The following IQGAP2 variants were observed in gnomAD, a reference collection of about 807,000 sequenced individuals.
The protein encoded by IQGAP2 is IQ motif containing GTPase activating protein 2, also known as ras GTPase-activating-like protein IQGAP2.
Under a neutral mutation model 201.3 loss-of-function variants are expected in IQGAP2, and 173 were observed. The observed-to-expected ratio is 0.86, with a 90% confidence interval of 0.76 to 0.98. IQGAP2 has a LOEUF of 0.98. Among genes scored for constraint, IQGAP2 ranks in the 50% least tolerant of loss-of-function variants. The pLI is 0.00. For synonymous variants in IQGAP2, 675 were observed against 673.9 expected (o/e 1.00, Z -0.03); for missense variants, 1,687 against 1,864.8 (o/e 0.90, Z 1.76).
intron 1 of IQGAP2, among the ~76,000 whole-genome samples, chr5:76,449,428 C>T (rs937745861): frequency 1.3e-5 from 2 of 152,170 alleles, no homozygotes; most frequent in African/African-American, 4.8e-5. Context: ...TGGGTCTTCT[C>T]CTGTTAGATT....
chr5:76,505,349 C>G (rs1757555529), intron 2 of IQGAP2, among the ~76,000 whole-genome samples: 1 of 152,186 alleles, frequency 6.6e-6, no homozygotes, highest in Non-Finnish European at 1.5e-5. Flanking sequence ...GGAGTCAACC[C>G]AGAGCTGAGC....
Position 76,600,905 on chromosome 5 carries a change from T to C in IQGAP2, c.1165T>C (p.Ser389Pro). Reference sequence around the variant, plus strand: ...GGCCTTGGAAAGCAACGATCTTGTGTCTGTGCAGAATCAACTCAGAAGCCC... The same window carrying C: ...GGCCTTGGAAAGCAACGATCTTGTGCCTGTGCAGAATCAACTCAGAAGCCC... The part of the protein sequence containing the change: ...NQALESNDLV[S>P]VQNQLRSPAI... The change falls in exon 11 of 36, where the codon TCT (serine) becomes CCT (proline). Residue 389 changes from serine to proline, a missense_variant. By Grantham distance (74) the Ser-to-Pro change is moderately conservative. Coordinates refer to ENST00000274364, the MANE Select transcript of IQGAP2 (RefSeq NM_006633.5). 1 of 1,614,158 alleles carries C rather than the reference T, an allele frequency of 6.2e-7. No homozygotes were observed. Among genetic ancestry groups the C allele is most frequent in the Non-Finnish European group, 8.5e-7 (1 of 1,179,998 alleles).
intron 11 of IQGAP2, among the ~76,000 whole-genome samples, chr5:76,604,657 A>G (rs901514474): frequency 1.3e-5 from 2 of 152,150 alleles, no homozygotes; most frequent in African/African-American, 4.8e-5. Flanking sequence ...TGGGATGCCC[A>G]TAAGGACTTT....
chr5:76,619,905 G>A (rs1263623655), intron 13 of IQGAP2, among the ~76,000 whole-genome samples: 1 of 152,116 alleles, frequency 6.6e-6, no homozygotes, highest in African/African-American at 2.4e-5. Flanking sequence ...AAGGTAAGAG[G>A]GTTGTCAAAG....
intron 13 of IQGAP2, chr5:76,616,100 T>C (rs1171969604): frequency 6.6e-6 from 1 of 152,648 alleles, no homozygotes; most frequent in Non-Finnish European, 1.5e-5. Context: ...ACCTTCTCCA[T>C]TATACTTGGT....
chr5:76,602,460 C>G (rs1301579920), intron 11 of IQGAP2, among the ~76,000 whole-genome samples: 3 of 152,182 alleles, frequency 2.0e-5, no homozygotes, highest in African/African-American at 4.8e-5. Context: ...TTACAAATAC[C>G]CTTAAAGAAG....
chr5:76,468,001 T>G (rs1303096197), intron 2 of IQGAP2, among the ~76,000 whole-genome samples: 1 of 152,162 alleles, frequency 6.6e-6, no homozygotes, highest in Non-Finnish European at 1.5e-5. Flanking sequence ...GATTTCTTTT[T>G]GGGCTGATAA....
At chr5:76,584,329 C>T (rs1012546633) in intron 5 of IQGAP2, among the ~76,000 whole-genome samples, 1 of 152,140 alleles carries the variant, frequency 6.6e-6, no homozygotes, top group Non-Finnish European at 1.5e-5. Flanking sequence ...ACAGTAATAA[C>T]TTTTAAAAAA....
intron 1 of IQGAP2, among the ~76,000 whole-genome samples, chr5:76,439,139 T>G (rs1580193020): frequency 6.6e-6 from 1 of 152,246 alleles, no homozygotes; most frequent in East Asian, 1.9e-4. Context: ...AGCAGATTAA[T>G]TTCCATGTAT....
intron 30 of IQGAP2, among the ~76,000 whole-genome samples, chr5:76,688,168 A>G (rs1259566814): frequency 2.0e-5 from 3 of 152,216 alleles, no homozygotes; most frequent in Admixed American, 6.5e-5. Flanking sequence ...AAAATCGGAC[A>G]ATGACTTTTA....
chr5:76,665,273 G>A, intron 22 of IQGAP2, 98 bp downstream of exon 22: 3 of 1,024,412 alleles, frequency 2.9e-6, no homozygotes, highest in Non-Finnish European at 1.5e-6. Context: ...AGCTATAATA[G>A]CATACATGTT....
intron 1 of IQGAP2, among the ~76,000 whole-genome samples, chr5:76,431,867 T>G (rs1179145518): frequency 6.6e-6 from 1 of 151,850 alleles, no homozygotes; most frequent in Non-Finnish European, 1.5e-5. Context: ...TTTGTTCCTC[T>G]TACTGCTCAG....
intron 1 of IQGAP2, among the ~76,000 whole-genome samples, chr5:76,442,762 A>G (rs192324855): frequency 6.6e-6 from 1 of 152,162 alleles, no homozygotes; most frequent in Admixed American, 6.5e-5. Context: ...TGAGGTGGAC[A>G]TATCACTTGA....
intron 4 of IQGAP2, among the ~76,000 whole-genome samples, chr5:76,572,736 C>A (rs74405149): frequency 0.058 from 8,788 of 152,116 alleles, 710 homozygotes; most frequent in East Asian, 0.43. Context: ...CCATGCCTGG[C>A]CTGTACAGCT....
At chr5:76,517,665 T>G (rs751209748) in intron 2 of IQGAP2, among the ~76,000 whole-genome samples, 8 of 151,870 alleles carry the variant, frequency 5.3e-5, no homozygotes, top group Non-Finnish European at 1.0e-4. Flanking sequence ...AAGTTTTTCA[T>G]TTCTTGTAAG....
rs758852700 is a variant in IQGAP2, at chr5:76,689,362, G to A, written c.3906-3993G>A. ...ACCATGGAACTCAGCAAGTTGCCTC[G>A]CCATCAGTTTTCTCCTCCATAATAT... On this transcript the variant is annotated intron_variant, in intron 30 of 35. Coordinates refer to ENST00000274364, the MANE Select transcript of IQGAP2 (RefSeq NM_006633.5). 5.3e-5 allele frequency among the ~76,000 whole-genome samples: 8 copies of A among 151,184 alleles called. No homozygotes were observed. The East Asian group carries it at 5.9e-4, about 11-fold the overall frequency.
chr5:76,423,510 A>G (rs951125025), intron 1 of IQGAP2, among the ~76,000 whole-genome samples: 6 of 152,334 alleles, frequency 3.9e-5, no homozygotes, highest in African/African-American at 1.2e-4. Context: ...AATCCCAGCT[A>G]CTTGGGAGGC....
At chr5:76,513,003 T>C (rs6878408) in intron 2 of IQGAP2, among the ~76,000 whole-genome samples, 88,267 of 151,456 alleles carry the variant, frequency 0.58, 27,863 homozygotes, top group African/African-American at 0.81. Flanking sequence ...TGCAGTGAGC[T>C]GAGATTGTGC....
At chr5:76,706,677 T>C (rs1337381263) in intron 35 of IQGAP2, among the ~76,000 whole-genome samples, 2 of 152,224 alleles carry the variant, frequency 1.3e-5, no homozygotes, top group African/African-American at 4.8e-5. Context: ...AGAATATGCA[T>C]CTAGCCAGAA....
Sources: allele counts gnomAD v4.1 joint callset (sites outside exome capture counted in the v4.1 genomes callset), GRCh38; gene constraint gnomAD v4.1.1; transcripts MANE v1.5; gene names NCBI Gene and HGNC (gene_info 2026-07-23, HGNC 2026-07-21).